MEGF11: variants seen among roughly 807,000 people sequenced by gnomAD.
MEGF11 encodes the protein multiple epidermal growth factor-like domains protein 11.
Under a neutral mutation model 146.6 loss-of-function variants are expected in MEGF11, and 126 were observed. That is an observed-to-expected ratio of 0.86 (90% CI 0.74 to 1.00). MEGF11 has a LOEUF of 1.00. Ranked by LOEUF, MEGF11 falls within the 50% of genes least tolerant of loss-of-function variation. The pLI is 0.00. For synonymous variants in MEGF11, 532 were observed against 583.4 expected, an observed-to-expected ratio of 0.91 and a Z score of 1.27; for missense variants, 1,509 against 1,521.2, an observed-to-expected ratio of 0.99 and a Z score of 0.13.
At chr15:66,037,373 T>C (rs1023906138) in intron 5 of MEGF11, among the ~76,000 whole-genome samples, 2 of 152,240 alleles carry the variant, frequency 1.3e-5, no homozygotes, top group African/African-American at 2.4e-5. Flanking sequence ...TCAGTTTTCG[T>C]ATCTGAGCTC....
rs1473962722 is a variant in MEGF11, at chr15:65,896,415, C to T, written c.*1519G>A. On this transcript the variant is annotated 3_prime_UTR_variant, in exon 26 of 26. Coordinates refer to ENST00000395614, the MANE Select transcript of MEGF11 (RefSeq NM_001385028.1). ...GTGTTCCATGGCAGGCTTCCAGTTTCTATCAAGGGTTTCAGAACTCTCATA... is the reference window on the plus strand; with the variant it reads ...GTGTTCCATGGCAGGCTTCCAGTTTTTATCAAGGGTTTCAGAACTCTCATA... 1 of 152,626 alleles carries T rather than the reference C, an allele frequency of 6.6e-6. No homozygotes were observed. The highest frequency in any genetic ancestry group is 2.4e-5 in the African/African-American group (1 of 41,444). 9.5% of individuals were successfully genotyped at this position (152,626 alleles called of 1,614,324 possible).
intron 10 of MEGF11, among the ~76,000 whole-genome samples, chr15:65,951,376 G>A (rs1027996667): frequency 6.6e-6 from 1 of 152,192 alleles, no homozygotes; most frequent in African/African-American, 2.4e-5. Context: ...AGTTACCTGA[G>A]GTCAACTGTG....
chr15:66,133,623 T>C (rs1348382907), intron 1 of MEGF11, among the ~76,000 whole-genome samples: 4 of 152,274 alleles, frequency 2.6e-5, no homozygotes, highest in Admixed American at 2.0e-4. Context: ...CTCTATTTAC[T>C]GGCCTTGCTA....
intron 1 of MEGF11, among the ~76,000 whole-genome samples, chr15:66,231,775 C>G (rs536895891): frequency 1.8e-4 from 27 of 152,322 alleles, no homozygotes; most frequent in Admixed American, 9.1e-4. Flanking sequence ...CCTTCTCCCC[C>G]TCAGTAGTGA....
chr15:66,015,055 C>T (rs999462479), intron 5 of MEGF11, among the ~76,000 whole-genome samples: 7 of 152,222 alleles, frequency 4.6e-5, no homozygotes, highest in South Asian at 2.1e-4. Context: ...ATCAACATGA[C>T]GTAACAAAAC....
chr15:66,016,939 G>C (rs1212500556), intron 5 of MEGF11, among the ~76,000 whole-genome samples: 1 of 152,164 alleles, frequency 6.6e-6, no homozygotes, highest in Non-Finnish European at 1.5e-5. Flanking sequence ...ATACCTCCAT[G>C]AGGGGAGATT....
In MEGF11 at chr15:66,229,477, A is replaced by G. The variant is rs546260198; in HGVS notation, c.-9+24128T>C. Among the ~76,000 whole-genome samples the G allele has an allele frequency of 6.6e-5, 10 of 152,350 alleles. No homozygotes were observed. The South Asian group carries it at 2.1e-3, about 32-fold the overall frequency. ...AAACTGGAAATACATTTTTTAATGT[A>G]AAATCTTCTCTTGGCTTACATGTTT... On this transcript the variant is annotated intron_variant, in intron 1 of 25. Transcript: ENST00000395614.
chr15:66,032,758 C>G (rs1244334519), intron 5 of MEGF11, among the ~76,000 whole-genome samples: 1 of 152,194 alleles, frequency 6.6e-6, no homozygotes, highest in Non-Finnish European at 1.5e-5. Flanking sequence ...AAGCACGCAG[C>G]CTGCTGCATG....
intron 21 of MEGF11, 177 bp from the exon 22 acceptor site, chr15:65,909,983 G>T (rs2078748420): frequency 1.4e-6 from 1 of 701,032 alleles, no homozygotes; most frequent in Non-Finnish European, 2.6e-6. Context: ...TGGTGTGGTT[G>T]ATGCTAGTGG....
chr15:66,093,531 C>A (rs1464495649), intron 5 of MEGF11, among the ~76,000 whole-genome samples: 3 of 152,218 alleles, frequency 2.0e-5, no homozygotes, highest in Non-Finnish European at 4.4e-5. Context: ...CATAAAGAGA[C>A]TCTACTCCAA....
intron 5 of MEGF11, among the ~76,000 whole-genome samples, chr15:66,060,017 C>A (rs559201151): frequency 6.6e-6 from 1 of 151,582 alleles, no homozygotes; most frequent in East Asian, 1.9e-4. Context: ...GGTGGGGGAG[C>A]ATTAGGATTG....
intron 1 of MEGF11, among the ~76,000 whole-genome samples, chr15:66,163,757 T>A (rs1204810515): frequency 6.6e-6 from 1 of 152,216 alleles, no homozygotes; most frequent in Non-Finnish European, 1.5e-5. Context: ...GTCCTGGCTG[T>A]GCAGTGCACG....
At chr15:65,920,701 T>C (rs1276081529) in intron 15 of MEGF11, among the ~76,000 whole-genome samples, 2 of 152,276 alleles carry the variant, frequency 1.3e-5, no homozygotes, top group African/African-American at 4.8e-5. Flanking sequence ...CTGTGTTTAA[T>C]GATTCTGCGT....
rs1363426529 is a variant in MEGF11, at chr15:65,929,833, G to A, written c.1459C>T (p.Leu487=). The change falls in exon 12 of 26, where the codon CTG becomes TTG. Residue 487 remains leucine, a synonymous_variant. Transcript: ENST00000395614. ...TLPCPSGTWG[L]NCNESCTCAN... ...CAGGTGCAGCTCTCGTTGCAGTTCA[G>A]GCCCCACGTCCCACTGGGACATGGC... 3 of 1,592,276 alleles carry A rather than the reference G, an allele frequency of 1.9e-6. No individual in the cohort carries two copies. Among genetic ancestry groups the A allele is most frequent in the Admixed American group, 3.5e-5 (2 of 56,996 alleles).
intron 5 of MEGF11, among the ~76,000 whole-genome samples, chr15:66,032,438 T>C (rs2083559322): frequency 6.6e-6 from 1 of 152,180 alleles, no homozygotes. Context: ...AAGTCTGCAT[T>C]GTGAACAGAG....
At chr15:66,181,804 T>C (rs1043490955) in intron 1 of MEGF11, among the ~76,000 whole-genome samples, 1 of 152,198 alleles carries the variant, frequency 6.6e-6, no homozygotes, top group Non-Finnish European at 1.5e-5. Context: ...TTATCAGCCC[T>C]GGTAATTGAG....
At chr15:66,078,549 C>T (rs2085692906) in intron 5 of MEGF11, among the ~76,000 whole-genome samples, 1 of 152,234 alleles carries the variant, frequency 6.6e-6, no homozygotes, top group African/African-American at 2.4e-5. Flanking sequence ...CCCCTCTCTG[C>T]CCAGGATGAG....
intron 5 of MEGF11, among the ~76,000 whole-genome samples, chr15:65,983,739 T>A (rs1350619549): frequency 1.3e-5 from 2 of 151,896 alleles, no homozygotes; most frequent in Non-Finnish European, 2.9e-5. Flanking sequence ...TATCTGTTGC[T>A]GTTTGTGCTC....
chr15:65,957,216 G>A (rs1452974654), intron 10 of MEGF11, among the ~76,000 whole-genome samples: 1 of 152,198 alleles, frequency 6.6e-6, no homozygotes, highest in Non-Finnish European at 1.5e-5. Context: ...GTGAAAGAAA[G>A]CAGAATGCAA....
Sources: gnomAD v4.1 joint callset for allele counts (sites outside exome capture counted in the v4.1 genomes callset) on GRCh38, gnomAD v4.1.1 for gene constraint, MANE v1.5 for transcripts, NCBI Gene and HGNC (gene_info 2026-07-23, HGNC 2026-07-21) for gene names.